The following MACROD2 variants were observed in gnomAD, a reference collection of about 807,000 sequenced individuals.
The protein encoded by MACROD2 is ADP-ribose glycohydrolase MACROD2.
A neutral mutation model predicts 70.4 loss-of-function variants in MACROD2; 36 were observed. That is an observed-to-expected ratio of 0.51 (90% CI 0.39 to 0.68). The LOEUF (loss-of-function observed/expected upper bound fraction) is 0.68, where lower values mean the gene tolerates loss of function less well. MACROD2 is among the 30% of genes least tolerant of loss of function. MACROD2 has a pLI of 0.00. For missense variants in MACROD2, 496 were observed against 538.4 expected (o/e 0.92, Z 0.78); for synonymous variants, 172 against 178.8 (o/e 0.96, Z 0.30).
At chr20:14,850,244 A>G (rs900872231) in intron 5 of MACROD2, 1 of 212,028 alleles carries the variant, frequency 4.7e-6, no homozygotes, top group African/African-American at 2.3e-5. Flanking sequence ...ATGGGTGATT[A>G]GAAGCTCTAC....
intron 3 of MACROD2, among the ~76,000 whole-genome samples, chr20:14,389,050 T>C (rs2083497315): frequency 6.6e-6 from 1 of 151,970 alleles, no homozygotes; most frequent in South Asian, 2.1e-4. Flanking sequence ...GCTAATTTTT[T>C]TGTATTTTTA....
chr20:14,836,427 A>C (rs1445015611), intron 5 of MACROD2, among the ~76,000 whole-genome samples: 3 of 152,052 alleles, frequency 2.0e-5, no homozygotes, highest in Non-Finnish European at 2.9e-5. Context: ...GATGCTGGGA[A>C]TGGACCTGCT....
intron 3 of MACROD2, among the ~76,000 whole-genome samples, chr20:14,276,483 G>A (rs1212143250): frequency 3.5e-4 from 34 of 96,726 alleles, no homozygotes; most frequent in African/African-American, 1.0e-3. Flanking sequence ...GTTGTGGGGT[G>A]GGGGGAGGGG....
At chr20:14,066,280 TAATC>T (rs1387534388) in intron 2 of MACROD2, among the ~76,000 whole-genome samples, 4 of 152,194 alleles carry the variant, frequency 2.6e-5, no homozygotes, top group South Asian at 2.1e-4. Context: ...ACACATTCTG[TAATC>T]AATCAATTCT....
chr20:14,125,099 A>G (rs2054631965), intron 3 of MACROD2, among the ~76,000 whole-genome samples: 1 of 152,192 alleles, frequency 6.6e-6, no homozygotes, highest in Non-Finnish European at 1.5e-5. Flanking sequence ...TATCCAGAAT[A>G]GATAATGGAG....
intron 11 of MACROD2, among the ~76,000 whole-genome samples, chr20:15,934,584 C>T (rs774744697): frequency 1.6e-4 from 25 of 152,120 alleles, no homozygotes; most frequent in Middle Eastern, 3.4e-3. Flanking sequence ...AAGTATTAGT[C>T]AACAAACTGC....
intron 4 of MACROD2, among the ~76,000 whole-genome samples, chr20:14,611,741 C>T (rs1312122653): frequency 1.3e-5 from 2 of 152,006 alleles, no homozygotes; most frequent in African/African-American, 2.4e-5. Context: ...GGATTCTTAT[C>T]TTAAATGTAG....
At chr20:14,208,365 T>A (rs370044572) in intron 3 of MACROD2, among the ~76,000 whole-genome samples, 2 of 152,202 alleles carry the variant, frequency 1.3e-5, no homozygotes, top group Admixed American at 1.3e-4. Flanking sequence ...GGGGTTGGCA[T>A]GTTGTGGGTA....
chr20:15,308,383 A>T (rs753000158), intron 6 of MACROD2, among the ~76,000 whole-genome samples: 1 of 152,204 alleles, frequency 6.6e-6, no homozygotes, highest in Non-Finnish European at 1.5e-5. Context: ...TGCCATGTAG[A>T]TAAGTTCATC....
intron 5 of MACROD2, among the ~76,000 whole-genome samples, chr20:15,135,440 A>T (rs1157350375): frequency 1.3e-5 from 2 of 149,926 alleles, no homozygotes; most frequent in Non-Finnish European, 3.0e-5. Flanking sequence ...AATCCAGCAT[A>T]TAAACAGAAC....
At chr20:14,139,870 A>G (rs2054846463) in intron 3 of MACROD2, among the ~76,000 whole-genome samples, 2 of 152,216 alleles carry the variant, frequency 1.3e-5, no homozygotes, top group Admixed American at 1.3e-4. Context: ...CTTCATGTGA[A>G]GGGTCGCAGT....
chr20:15,439,586 A>T (rs1171812988), intron 7 of MACROD2, among the ~76,000 whole-genome samples: 1 of 152,158 alleles, frequency 6.6e-6, no homozygotes, highest in Non-Finnish European at 1.5e-5. Flanking sequence ...TTGCAGTGAA[A>T]CCACCTTAGC....
intron 2 of MACROD2, among the ~76,000 whole-genome samples, chr20:14,037,148 A>G (rs976425846): frequency 2.6e-5 from 4 of 152,166 alleles, no homozygotes; most frequent in African/African-American, 9.7e-5. Context: ...TTATATTGAA[A>G]GGTAGCCTTG....
At chr20:14,130,258 A>G (rs574258090) in intron 3 of MACROD2, among the ~76,000 whole-genome samples, 1 of 152,272 alleles carries the variant, frequency 6.6e-6, no homozygotes, top group African/African-American at 2.4e-5. Context: ...AAACCAAGAA[A>G]ATATCTAGGC....
chr20:14,763,251 T>G (rs1000352294), intron 5 of MACROD2, among the ~76,000 whole-genome samples: 1 of 152,144 alleles, frequency 6.6e-6, no homozygotes, highest in East Asian at 1.9e-4. Context: ...AAGAGAAAGG[T>G]ATTCACAACA....
chr20:15,031,172 C>T lies in MACROD2; in HGVS notation c.419-198768C>T, dbSNP rs1285814134. On this transcript the variant is annotated intron_variant, in intron 5 of 17. Coordinates refer to ENST00000684519, the MANE Select transcript of MACROD2 (RefSeq NM_001351661.2). ...AACCAGGCATACTGCAAATGGCTTC[C>T]GCTGTGGACGTCAGGGAACGTGGTG... Among the ~76,000 whole-genome samples, 10 of 152,172 alleles carry T rather than the reference C, an allele frequency of 6.6e-5. 1 individual carries two copies. The highest frequency in any genetic ancestry group is 4.1e-4 in the South Asian group (2 of 4,828).
chr20:15,581,902 G>A (rs775213117), intron 8 of MACROD2, among the ~76,000 whole-genome samples: 9 of 152,100 alleles, frequency 5.9e-5, no homozygotes, highest in Non-Finnish European at 1.3e-4. Context: ...CAGGTGGATC[G>A]CTTGAGCGTA....
At chr20:14,300,297 A>G (rs755210575) in intron 3 of MACROD2, among the ~76,000 whole-genome samples, 5 of 152,244 alleles carry the variant, frequency 3.3e-5, no homozygotes, top group African/African-American at 4.8e-5. Context: ...TCTCACAACT[A>G]TTCACAAGTA....
chr20:14,327,394 T>C, intron 3 of MACROD2: 1 of 1,613,688 alleles, frequency 6.2e-7, no homozygotes, highest in Middle Eastern at 1.7e-4. Flanking sequence ...GAAACCCGCA[T>C]CGCAGCGACA....
Sources: gnomAD v4.1 joint callset for allele counts (sites outside exome capture counted in the v4.1 genomes callset) on GRCh38, gnomAD v4.1.1 for gene constraint, MANE v1.5 for transcripts, NCBI Gene and HGNC (gene_info 2026-07-23, HGNC 2026-07-21) for gene names.